CRIM1: variants seen among roughly 807,000 people sequenced by gnomAD.
CRIM1 encodes the protein cysteine rich transmembrane BMP regulator 1.
A neutral mutation model predicts 116.4 loss-of-function variants in CRIM1; 32 were observed. The ratio of observed to expected loss-of-function variants is 0.27; its 90% CI spans 0.21 to 0.37. CRIM1 has a LOEUF of 0.37. CRIM1 is among the 10% of genes least tolerant of loss of function. CRIM1 has a pLI of 1.00. For missense variants in CRIM1, 1,331 were observed against 1,354.8 expected (o/e 0.98, Z 0.28); for synonymous variants, 590 against 509.2 (o/e 1.16, Z -2.13).
At chr2:36,413,731 G>A (rs1330556517) in intron 2 of CRIM1, among the ~76,000 whole-genome samples, 1 of 152,160 alleles carries the variant, frequency 6.6e-6, no homozygotes, top group Non-Finnish European at 1.5e-5. Flanking sequence ...CATCTTTGCA[G>A]TTTTTGGATT....
chr2:36,538,232 C>A (rs1333843656), intron 14 of CRIM1, among the ~76,000 whole-genome samples: 2 of 152,152 alleles, frequency 1.3e-5, no homozygotes, highest in African/African-American at 4.8e-5. Flanking sequence ...TCACCTAGCC[C>A]TTCTCCTAGT....
At chr2:36,445,918 T>G (rs1287861261) in intron 4 of CRIM1, among the ~76,000 whole-genome samples, 1 of 152,206 alleles carries the variant, frequency 6.6e-6, no homozygotes, top group South Asian at 2.1e-4. Flanking sequence ...AAGAAGATTA[T>G]AGAACATATA....
chr2:36,357,829 G>A (rs1181826430), intron 1 of CRIM1, among the ~76,000 whole-genome samples: 1 of 152,124 alleles, frequency 6.6e-6, no homozygotes, highest in Non-Finnish European at 1.5e-5. Flanking sequence ...TCCAGGGAAC[G>A]GTTTATTCCG....
intron 1 of CRIM1, among the ~76,000 whole-genome samples, chr2:36,392,781 A>G (rs1671713885): frequency 6.6e-6 from 1 of 152,230 alleles, no homozygotes; most frequent in Non-Finnish European, 1.5e-5. Flanking sequence ...TCCCAAGAAG[A>G]AAAACAAAGT....
intron 10 of CRIM1, 57 bp from the exon 11 acceptor site, chr2:36,513,499 G>A: frequency 1.4e-6 from 2 of 1,408,124 alleles, no homozygotes; most frequent in African/African-American, 1.4e-5. Flanking sequence ...AGACTCTGTA[G>A]CCTGTTTCTC....
At chr2:36,521,374 T>C (rs749219441) in intron 12 of CRIM1, among the ~76,000 whole-genome samples, 2 of 152,148 alleles carry the variant, frequency 1.3e-5, no homozygotes, top group Non-Finnish European at 2.9e-5. Context: ...TTTAGGTGGT[T>C]TTTGGTAGTC....
chr2:36,431,531 G>T (rs916779519), intron 2 of CRIM1, among the ~76,000 whole-genome samples: 1 of 152,122 alleles, frequency 6.6e-6, no homozygotes, highest in Non-Finnish European at 1.5e-5. Flanking sequence ...GGAATTTTTT[G>T]ACAATATTAC....
intron 11 of CRIM1, among the ~76,000 whole-genome samples, chr2:36,517,000 A>C (rs1428726815): frequency 1.3e-5 from 2 of 152,188 alleles, no homozygotes; most frequent in Non-Finnish European, 2.9e-5. Context: ...GACAGTTCCT[A>C]CACATTCACA....
intron 4 of CRIM1, among the ~76,000 whole-genome samples, chr2:36,446,658 G>C (rs1375712942): frequency 1.3e-5 from 2 of 152,174 alleles, no homozygotes; most frequent in African/African-American, 4.8e-5. Context: ...ACTTGGCATA[G>C]ATTTCCAGGC....
rs1668801712 is a variant in CRIM1 at position 36,356,383 on chromosome 2, G to A, written c.91G>A (p.Gly31Ser). Residue 31 changes from glycine to serine, a missense_variant, in exon 1 of 17, where the codon GGC becomes AGC. Physicochemically the swap from Gly to Ser is moderately conservative, Grantham distance 56. This residue lies in a region of CRIM1 where 690 missense variants were observed against 676.0 expected (regional missense o/e 1.02). Coordinates refer to ENST00000280527, the MANE Select transcript of CRIM1 (RefSeq NM_016441.3). This position sits in a 1 kb window ranked among gnomAD's most constrained non-coding sequence, Gnocchi z 4.3. ...LGLLLLLARS[G>S]TRALVCLPCD... ...GCTGCTGCTGCTGCTGGCGCGCTCC[G>A]GCACCCGGGCGCTGGTCTGCCTGCC... The A allele has an allele frequency of 6.3e-7, 1 of 1,597,870 alleles. No individual in the cohort carries two copies. Among genetic ancestry groups the A allele is most frequent in the Non-Finnish European group, 8.5e-7 (1 of 1,174,434 alleles).
chr2:36,454,882 A>G (rs1677018732), intron 4 of CRIM1, among the ~76,000 whole-genome samples: 2 of 152,192 alleles, frequency 1.3e-5, no homozygotes, highest in Admixed American at 6.5e-5. Flanking sequence ...CTCTGGGATT[A>G]AGTAAGTTGG....
intron 13 of CRIM1, chr2:36,529,534 G>A (rs1370999119): frequency 5.0e-6 from 1 of 199,932 alleles, no homozygotes; most frequent in East Asian, 1.2e-4. Context: ...CCATGTACCT[G>A]TAGATGCATC....
intron 7 of CRIM1, among the ~76,000 whole-genome samples, chr2:36,480,276 G>T (rs1209839955): frequency 2.0e-5 from 3 of 152,100 alleles, no homozygotes; most frequent in Admixed American, 2.0e-4. Flanking sequence ...AGGCATCCTG[G>T]ACTAGTTTTT....
In CRIM1 at chr2:36,479,522, C is replaced by T. The variant is rs7574705; in HGVS notation, c.1200C>T (p.Pro400=). The change falls in exon 7 of 17, where the codon CCC becomes CCT. Residue 400 remains proline, a synonymous_variant. Coordinates refer to ENST00000280527, the MANE Select transcript of CRIM1 (RefSeq NM_016441.3). ...CEDPVYPFNN[P]AGCYANGLIL... is the part of the protein sequence containing the mutation. ...ATCCAGTGTATCCTTTTAATAATCC[C>T]GCTGGCTGCTATGCCAATGGCCTGA... 81 of 1,614,200 alleles carry T rather than the reference C, an allele frequency of 5.0e-5. No homozygotes were observed. In the African/African-American group the frequency reaches 5.3e-4, roughly 11 times the overall value.
At chr2:36,481,416 T>C (rs1405340835) in intron 7 of CRIM1, among the ~76,000 whole-genome samples, 14 of 152,224 alleles carry the variant, frequency 9.2e-5, no homozygotes, top group Non-Finnish European at 2.1e-4. Context: ...AATCATCTAC[T>C]GTTTGAGAAA....
intron 1 of CRIM1, chr2:36,378,276 A>G: frequency 2.1e-6 from 1 of 470,654 alleles, no homozygotes; most frequent in Non-Finnish European, 4.4e-6. Context: ...TTCACATTAC[A>G]TCACATTGAA....
At chr2:36,398,578 A>G (rs1238768145) in intron 2 of CRIM1, among the ~76,000 whole-genome samples, 1 of 152,256 alleles carries the variant, frequency 6.6e-6, no homozygotes. Context: ...TCATTCCCAC[A>G]GGAATAATTA....
At chr2:36,372,835 A>T (rs1211633839) in intron 1 of CRIM1, among the ~76,000 whole-genome samples, 1 of 152,198 alleles carries the variant, frequency 6.6e-6, no homozygotes, top group Non-Finnish European at 1.5e-5. Context: ...AGGGAAGGAG[A>T]GAAGCTGGAA....
chr2:36,397,193 A>G (rs528018874), intron 2 of CRIM1, among the ~76,000 whole-genome samples: 3 of 152,322 alleles, frequency 2.0e-5, no homozygotes, highest in African/African-American at 7.2e-5. Context: ...TTTAGCAGAA[A>G]TGGGAGAATT....
Sources: allele counts gnomAD v4.1 joint callset (sites outside exome capture counted in the v4.1 genomes callset), GRCh38; gene constraint gnomAD v4.1.1; regional missense constraint gnomAD v4.1.1; non-coding constraint Gnocchi (gnomAD v3.1); transcripts MANE v1.5; gene names NCBI Gene and HGNC (gene_info 2026-07-23, HGNC 2026-07-21).